The following PRSS3 variants were observed in gnomAD, a reference collection of about 807,000 sequenced individuals.
PRSS3 encodes the protein trypsin-3.
Under a neutral mutation model 20.8 loss-of-function variants are expected in PRSS3, and 14 were observed. The observed-to-expected ratio is 0.67, with a 90% confidence interval of 0.44 to 1.05. The LOEUF is 1.05. Ranked by LOEUF, PRSS3 falls within the 50% of genes least tolerant of loss-of-function variation. PRSS3 has a pLI of 0.00. For missense variants in PRSS3, 237 were observed against 306.4 expected, an observed-to-expected ratio of 0.77 and a Z score of 1.69; for synonymous variants, 91 against 117.6, an observed-to-expected ratio of 0.77 and a Z score of 1.46.
chr9:33,796,643 T>C lies in PRSS3; in HGVS notation c.41T>C (p.Val14Ala). The change falls in exon 2 of 5, where the codon GTT becomes GCT. Residue 14 changes from valine (V) to alanine (A), a missense_variant and splice_region_variant. Val to Ala is a moderately conservative substitution (Grantham distance 64). Coordinates refer to ENST00000379405, the MANE Select transcript of PRSS3 (RefSeq NM_002771.4). ...TTCTCCCTTCCTATTTCCACTCCAG[T>C]TGCTGTCCCCTTTGACGATGATGAC... ...FLILAFVGAA[V>A]AVPFDDDDKI... 4.3e-6 allele frequency: 7 copies of C among 1,613,938 alleles called. No homozygotes were observed. The highest frequency in any genetic ancestry group is 5.9e-6 in the Non-Finnish European group (7 of 1,179,824).
At chr9:33,759,386 A>G (rs1351791974) in intron 1 of PRSS3, among the ~76,000 whole-genome samples, 7 of 152,170 alleles carry the variant, frequency 4.6e-5, no homozygotes, top group Non-Finnish European at 7.4e-5. Flanking sequence ...GAAAAAGACA[A>G]TGAGAGCCCA....
chr9:33,752,569 T>G (rs1822745557), intron 1 of PRSS3, among the ~76,000 whole-genome samples: 1 of 152,234 alleles, frequency 6.6e-6, no homozygotes, highest in Non-Finnish European at 1.5e-5. Flanking sequence ...TTATTCCCAG[T>G]ATGAGACCAT....
intron 1 of PRSS3, among the ~76,000 whole-genome samples, chr9:33,761,018 G>A (rs1823175017): frequency 1.3e-5 from 2 of 152,198 alleles, no homozygotes; most frequent in South Asian, 4.1e-4. Context: ...AGTTTCTCAG[G>A]TGAGAGTTAC....
chr9:33,798,922 G>A, intron 4 of PRSS3, 106 bp from the exon 5 acceptor site: 1 of 1,427,538 alleles, frequency 7.0e-7, no homozygotes, highest in East Asian at 2.3e-5. Flanking sequence ...GAAGGACGTG[G>A]AGCCACAGAG....
chr9:33,752,861 T>C (rs552569166), intron 1 of PRSS3, among the ~76,000 whole-genome samples: 1 of 152,364 alleles, frequency 6.6e-6, no homozygotes, highest in East Asian at 1.9e-4. Flanking sequence ...CAACTGAATA[T>C]AGCAAGGTAC....
chr9:33,785,160 A>ATTTTTTTTTTTTTTTTTTT lies in PRSS3; in HGVS notation c.-52-9569_-52-9551dup, dbSNP rs74180504. On this transcript the variant is annotated intron_variant, in intron 1 of 5. Coordinates refer to the PRSS3 transcript ENST00000342836. ...GAAAAAGATCATAGCATTGTGGTCA[A>ATTTTTTTTTTTTTTTTTTT]TTTTTTTTTTTTTTTTTTTTTTTTT... 4.0e-4 allele frequency among the ~76,000 whole-genome samples: 29 copies of ATTTTTTTTTTTTTTTTTTT among 72,496 alleles called. 1 individual carries two copies. The highest frequency in any genetic ancestry group is 5.3e-4 in the African/African-American group (7 of 13,322). 47.6% of individuals were successfully genotyped at this position (72,496 alleles called of 152,430 possible). A position where few individuals can be genotyped will look rare whatever the true frequency, so the allele number is the denominator to read the frequency against.
intron 1 of PRSS3, among the ~76,000 whole-genome samples, chr9:33,776,985 T>C (rs1823963389): frequency 6.6e-6 from 1 of 152,078 alleles, no homozygotes; most frequent in African/African-American, 2.4e-5. Context: ...GTAGAAAACC[T>C]ACCTAGGCAC....
chr9:33,788,997 T>A (rs1373038935), intron 1 of PRSS3, among the ~76,000 whole-genome samples: 1 of 152,206 alleles, frequency 6.6e-6, no homozygotes, highest in African/African-American at 2.4e-5. Context: ...TTCTAGAAAA[T>A]CCACTTGGGT....
At chr9:33,761,925 C>G (rs1204663164) in intron 1 of PRSS3, 1 of 152,122 alleles carries the variant, frequency 6.6e-6, no homozygotes, top group Non-Finnish European at 1.5e-5. Context: ...GGGCCACCAT[C>G]ATACATGCCG....
intron 1 of PRSS3, among the ~76,000 whole-genome samples, chr9:33,784,231 G>A (rs1181522413): frequency 6.6e-6 from 1 of 152,026 alleles, no homozygotes; most frequent in Admixed American, 6.6e-5. Flanking sequence ...TACTGATGAA[G>A]AGGCAAAGAT....
intron 1 of PRSS3, chr9:33,786,356 G>A (rs1282575678): frequency 1.7e-6 from 1 of 604,266 alleles, no homozygotes; most frequent in East Asian, 2.7e-5. Flanking sequence ...GACAGAAGAT[G>A]AAGGGGATAT....
intron 1 of PRSS3, among the ~76,000 whole-genome samples, chr9:33,774,209 C>T (rs1339516643): frequency 1.3e-5 from 2 of 152,152 alleles, no homozygotes; most frequent in Non-Finnish European, 2.9e-5. Flanking sequence ...CCTCCTGTAA[C>T]TAAAAGTGAC....
chr9:33,764,822 T>G (rs1157371673), intron 1 of PRSS3, among the ~76,000 whole-genome samples: 1 of 152,110 alleles, frequency 6.6e-6, no homozygotes, highest in Non-Finnish European at 1.5e-5. Context: ...CTATTACAAC[T>G]CAATAATAGA....
Position 33,755,984 on chromosome 9 carries a change from T to C in PRSS3, c.-53+5257T>C, listed in dbSNP as rs1822926322. ...CTTTTTTTTCTGTCTAGGCCATCTCTTGTGGAATACATATGTACTTTCATA... is the reference window on the plus strand; with the variant it reads ...CTTTTTTTTCTGTCTAGGCCATCTCCTGTGGAATACATATGTACTTTCATA... On this transcript the variant is annotated intron_variant, in intron 1 of 5. Coordinates refer to the PRSS3 transcript ENST00000342836. Among the ~76,000 whole-genome samples the C allele has an allele frequency of 2.0e-5, 3 of 152,350 alleles. No homozygotes were observed. In the South Asian group the frequency reaches 6.2e-4, roughly 32 times the overall value.
chr9:33,784,906 T>C (rs1473417443), intron 1 of PRSS3, among the ~76,000 whole-genome samples: 1 of 152,192 alleles, frequency 6.6e-6, no homozygotes, highest in Non-Finnish European at 1.5e-5. Flanking sequence ...CTCTATCACT[T>C]ACTCCTGGAT....
chr9:33,763,980 C>T (rs1823316636), intron 1 of PRSS3, among the ~76,000 whole-genome samples: 1 of 152,100 alleles, frequency 6.6e-6, no homozygotes, highest in Admixed American at 6.5e-5. Flanking sequence ...TGTCTGTATA[C>T]TCTAGTAAAT....
At chr9:33,771,595 G>C (rs1823694250) in intron 1 of PRSS3, among the ~76,000 whole-genome samples, 2 of 150,660 alleles carry the variant, frequency 1.3e-5, no homozygotes, top group Admixed American at 6.6e-5. Context: ...CCAAAGTGCT[G>C]GGATTACAGG....
At chr9:33,786,549 T>C in intron 1 of PRSS3, 1 of 765,948 alleles carries the variant, frequency 1.3e-6, no homozygotes, top group South Asian at 1.3e-5. Flanking sequence ...AGTGCTGTCA[T>C]CTCTCAAAAG....
intron 1 of PRSS3, among the ~76,000 whole-genome samples, chr9:33,781,876 C>G (rs1362590165): frequency 6.6e-6 from 1 of 152,180 alleles, no homozygotes; most frequent in East Asian, 1.9e-4. Flanking sequence ...AAGGCTTTAC[C>G]TGGCAGGCTT....
Sources: gnomAD v4.1 joint callset for allele counts (sites outside exome capture counted in the v4.1 genomes callset) on GRCh38, gnomAD v4.1.1 for gene constraint, MANE v1.5 for transcripts, NCBI Gene and HGNC (gene_info 2026-07-23, HGNC 2026-07-21) for gene names.